The following TSPAN3 variants were observed in gnomAD, a reference collection of about 807,000 sequenced individuals.
TSPAN3 encodes tetraspanin 3.
In TSPAN3, 9 loss-of-function variants were observed where a neutral mutation model predicts 31.1. That is an observed-to-expected ratio of 0.29 (90% CI 0.17 to 0.50). The LOEUF (loss-of-function observed/expected upper bound fraction) is 0.50, where lower values mean the gene tolerates loss of function less well. TSPAN3 is among the 20% of genes least tolerant of loss of function. TSPAN3 has a pLI of 0.98. For missense variants in TSPAN3, 252 were observed against 313.5 expected (o/e 0.80, Z 1.48); for synonymous variants, 129 against 114.3 (o/e 1.13, Z -0.82).
chr15:77,055,998 G>T, intron 2 of TSPAN3, 66 bp downstream of exon 2: 1 of 1,524,408 alleles, frequency 6.6e-7, no homozygotes, highest in Non-Finnish European at 8.8e-7. Flanking sequence ...AAGAGCCAAG[G>T]AGTCTCATGT....
At chr15:77,047,984 C>G (rs1019669841) in intron 6 of TSPAN3, among the ~76,000 whole-genome samples, 1 of 152,118 alleles carries the variant, frequency 6.6e-6, no homozygotes, top group African/African-American at 2.4e-5. Context: ...TCTGAATTCT[C>G]CATGGTATAA....
At chr15:77,065,689 G>A (rs2152697830) in intron 1 of TSPAN3, among the ~76,000 whole-genome samples, 1 of 152,348 alleles carries the variant, frequency 6.6e-6, no homozygotes, top group East Asian at 1.9e-4. Flanking sequence ...TTACAGGCAT[G>A]AGCCACCGCA....
chr15:77,053,451 C>CAGAAAAA (rs2076745007), intron 4 of TSPAN3, among the ~76,000 whole-genome samples: 2 of 50,382 alleles, frequency 4.0e-5, no homozygotes, highest in Non-Finnish European at 6.6e-5. Flanking sequence ...TTCGCCATCT[C>CAGAAAAA]AAAAAAAAAA....
At chr15:77,069,060 G>T (rs2076850700) in intron 1 of TSPAN3, among the ~76,000 whole-genome samples, 1 of 152,192 alleles carries the variant, frequency 6.6e-6, no homozygotes, top group South Asian at 2.1e-4. Context: ...TACATGCCAA[G>T]AAATAGTATT....
chr15:77,069,455 TA>T (rs1397469930), intron 1 of TSPAN3, among the ~76,000 whole-genome samples: 2 of 151,924 alleles, frequency 1.3e-5, no homozygotes, highest in Non-Finnish European at 2.9e-5. Context: ...AAAAATAAAA[TA>T]AAATAAATAA....
intron 5 of TSPAN3, 53 bp from the exon 6 acceptor site, chr15:77,052,521 G>C (rs546791107): frequency 6.5e-7 from 1 of 1,541,796 alleles, no homozygotes; most frequent in Non-Finnish European, 9.0e-7. Context: ...AGTTAAAGCT[G>C]CAGATTCACA....
At chr15:77,054,065 G>T in intron 4 of TSPAN3, 113 bp downstream of exon 4, 1 of 733,808 alleles carries the variant, frequency 1.4e-6, no homozygotes, top group Non-Finnish European at 2.4e-6. Flanking sequence ...GTCACATCAG[G>T]ATAGCCATGT....
chr15:77,064,034 TG>T (rs2076816084), intron 1 of TSPAN3: 1 of 152,216 alleles, frequency 6.6e-6, no homozygotes, highest in South Asian at 2.1e-4. Flanking sequence ...GCAACAACAA[TG>T]TAAGTTACAA....
In TSPAN3 at chr15:77,045,208, G is replaced by C. The variant is rs1447759628; in HGVS notation, c.*1627C>G. 1 of 152,214 alleles carries C rather than the reference G, an allele frequency of 6.6e-6. No homozygotes were observed. The allele number at this position is 152,214 out of a possible 1,614,324, so 9.4% of individuals were successfully genotyped here. ...AGCCAGAAACCTGGGACTCATCCTA[G>C]ATGAGTCTTCTCTTCTCCCTTCTCT... On this transcript the variant is annotated 3_prime_UTR_variant, in exon 7 of 7. Transcript: ENST00000267970.
rs183065724 is a variant in TSPAN3 at position 77,053,052 on chromosome 15, G to C, written c.433-123C>G. ...ATGTCCGATACAACTTTCTATAATGGAAAGTCTGCATGATCCAATATAGCA... is the reference window on the plus strand; with the variant it reads ...ATGTCCGATACAACTTTCTATAATGCAAAGTCTGCATGATCCAATATAGCA... On this transcript the variant is annotated intron_variant, in intron 4 of 6. Transcript: ENST00000267970. The C allele has an allele frequency of 8.2e-6, 8 of 978,752 alleles. No individual in the cohort carries two copies. In the East Asian group the frequency reaches 2.1e-4, roughly 26 times the overall value. 60.6% of individuals were successfully genotyped at this position (978,752 alleles called of 1,614,324 possible).
chr15:77,070,236 C>G (rs978203420), intron 1 of TSPAN3, among the ~76,000 whole-genome samples: 1 of 152,192 alleles, frequency 6.6e-6, no homozygotes, highest in Non-Finnish European at 1.5e-5. Flanking sequence ...TGTGACATCT[C>G]CATCATATAT....
chr15:77,056,389 T>C (rs1392664540), intron 1 of TSPAN3, 134 bp from the exon 2 acceptor site: 8 of 619,472 alleles, frequency 1.3e-5, no homozygotes, highest in Non-Finnish European at 2.1e-5. Context: ...GAAAATTCTA[T>C]GATTCCTTGT....
intron 1 of TSPAN3, among the ~76,000 whole-genome samples, chr15:77,066,530 C>T (rs1326927176): frequency 7.3e-6 from 1 of 136,430 alleles, no homozygotes; most frequent in East Asian, 2.2e-4. Context: ...CAAGATCGCA[C>T]CACTGCACTC....
intron 1 of TSPAN3, among the ~76,000 whole-genome samples, chr15:77,070,618 G>C (rs987762122): frequency 2.0e-5 from 3 of 152,008 alleles, no homozygotes; most frequent in African/African-American, 7.2e-5. Flanking sequence ...CACGGAGCCA[G>C]CCCGCGTGGG....
Position 77,045,856 on chromosome 15 carries a change from T to C in TSPAN3, c.*979A>G, listed in dbSNP as rs967615498. ...AGTAGAGCTCTATATTTCTAGGATA[T>C]ACTGGACTGAAAGCATCTGTGGTTT... On this transcript the variant is annotated 3_prime_UTR_variant, in exon 7 of 7. Transcript: ENST00000267970. The C allele has an allele frequency of 6.6e-6, 1 of 152,240 alleles. No homozygotes were observed. The highest frequency in any genetic ancestry group is 1.5e-5 in the Non-Finnish European group (1 of 68,062). 9.4% of individuals were successfully genotyped at this position (152,240 alleles called of 1,614,324 possible).
At chr15:77,051,106 C>T (rs2076727788) in intron 6 of TSPAN3, among the ~76,000 whole-genome samples, 1 of 151,756 alleles carries the variant, frequency 6.6e-6, no homozygotes, top group Admixed American at 6.6e-5. Context: ...AGTCTTATTG[C>T]CCAGGCTGGT....
chr15:77,052,984 C>G lies in TSPAN3; in HGVS notation c.433-55G>C, dbSNP rs1568540374. On this transcript the variant is annotated intron_variant, in intron 4 of 6. Coordinates refer to ENST00000267970, the MANE Select transcript of TSPAN3 (RefSeq NM_005724.6). ...TCACAAAAACCAAATACCTGAAGTTCCATGTACTACAGAGCTTTAAAATAA... is the reference window on the plus strand; with the variant it reads ...TCACAAAAACCAAATACCTGAAGTTGCATGTACTACAGAGCTTTAAAATAA... The G allele has an allele frequency of 1.8e-5, 27 of 1,531,482 alleles. No homozygotes were observed. In the East Asian group the frequency reaches 6.4e-4, roughly 36 times the overall value. 94.9% of individuals were successfully genotyped at this position (1,531,482 alleles called of 1,614,324 possible).
chr15:77,057,072 G>A (rs922712710), intron 1 of TSPAN3, among the ~76,000 whole-genome samples: 2 of 152,192 alleles, frequency 1.3e-5, no homozygotes, highest in Non-Finnish European at 2.9e-5. Flanking sequence ...AGTGATAGGT[G>A]TGTCTTATTT....
chr15:77,067,562 G>A (rs923290006), intron 1 of TSPAN3: 5 of 152,116 alleles, frequency 3.3e-5, no homozygotes, highest in African/African-American at 7.2e-5. Context: ...GTTGCCCAAG[G>A]GAACCTAGGT....
Sources: gnomAD v4.1 joint callset for allele counts (sites outside exome capture counted in the v4.1 genomes callset) on GRCh38, gnomAD v4.1.1 for gene constraint, MANE v1.5 for transcripts, NCBI Gene and HGNC (gene_info 2026-07-23, HGNC 2026-07-21) for gene names.